Variants in KCNIP4 observed in about 807,000 individuals in gnomAD.
KCNIP4 encodes Kv channel-interacting protein 4.
Under a neutral mutation model 34.0 loss-of-function variants are expected in KCNIP4, and 12 were observed. The ratio of observed to expected loss-of-function variants is 0.35; its 90% CI spans 0.23 to 0.57. The LOEUF (loss-of-function observed/expected upper bound fraction) is 0.57. Ranked by LOEUF, KCNIP4 falls within the 20% of genes least tolerant of loss-of-function variation. The pLI is 0.83. For synonymous variants in KCNIP4, 124 were observed against 102.2 expected (o/e 1.21, Z -1.29); for missense variants, 238 against 311.7 (o/e 0.76, Z 1.78).
intron 1 of KCNIP4, among the ~76,000 whole-genome samples, chr4:21,775,444 T>C (rs1040618291): frequency 6.6e-6 from 1 of 152,072 alleles, no homozygotes; most frequent in Admixed American, 6.6e-5. Flanking sequence ...CCCAGCTGAG[T>C]GGCACAAGGA....
chr4:21,321,997 G>GA (rs1714520550), intron 1 of KCNIP4, among the ~76,000 whole-genome samples: 1 of 138,430 alleles, frequency 7.2e-6, no homozygotes, highest in Non-Finnish European at 1.6e-5. Flanking sequence ...GGAAGAGAAG[G>GA]AAAAAAGGAA....
intron 1 of KCNIP4, among the ~76,000 whole-genome samples, chr4:21,673,978 C>G (rs1749692314): frequency 6.6e-6 from 1 of 152,108 alleles, no homozygotes; most frequent in African/African-American, 2.4e-5. Context: ...GCAAAGAAAC[C>G]AGCACATAGT....
intron 1 of KCNIP4, among the ~76,000 whole-genome samples, chr4:21,757,595 T>G (rs1413019162): frequency 1.3e-5 from 2 of 152,220 alleles, no homozygotes; most frequent in Non-Finnish European, 2.9e-5. Context: ...TATTACAGAT[T>G]GAGCCAGAGA....
intron 1 of KCNIP4, among the ~76,000 whole-genome samples, chr4:21,464,520 A>G (rs1012444254): frequency 1.3e-5 from 2 of 151,978 alleles, no homozygotes; most frequent in Admixed American, 1.3e-4. Flanking sequence ...TCTGTTACTG[A>G]TTTCTCATTT....
rs557610581 is a variant in KCNIP4 at position 21,927,605 on chromosome 4, A to G, written c.61+20966T>C. ...CCCACCTTAGAGCTGGGGCATCCCAACAAATTTCAACATAGTGTATTTATC... is the reference window on the plus strand; with the variant it reads ...CCCACCTTAGAGCTGGGGCATCCCAGCAAATTTCAACATAGTGTATTTATC... On this transcript the variant is annotated intron_variant, in intron 1 of 8. Coordinates refer to ENST00000382152, the MANE Select transcript of KCNIP4 (RefSeq NM_025221.6). 7.9e-5 allele frequency among the ~76,000 whole-genome samples: 12 copies of G among 152,340 alleles called. 1 individual carries two copies. The East Asian group carries it at 1.7e-3, about 22-fold the overall frequency.
chr4:21,931,811 G>C (rs193260531), intron 1 of KCNIP4, among the ~76,000 whole-genome samples: 1 of 152,048 alleles, frequency 6.6e-6, no homozygotes, highest in Admixed American at 6.6e-5. Flanking sequence ...GGATTGCTGG[G>C]TCAAATGGTA....
chr4:20,868,009 A>C (rs1393005190), intron 2 of KCNIP4, among the ~76,000 whole-genome samples: 1 of 112,018 alleles, frequency 8.9e-6, no homozygotes, highest in Non-Finnish European at 1.8e-5. Flanking sequence ...CCTAAAACTT[A>C]AAGTATAATA....
At position 21,796,328 on chromosome 4, in the gene KCNIP4, C is replaced by A. The variant is rs145424854; in HGVS notation, c.61+152243G>T. Among the ~76,000 whole-genome samples the A allele has an allele frequency of 8.4e-3, 1,285 of 152,254 alleles. 14 individuals are homozygous for A. The highest frequency in any genetic ancestry group is 0.028 in the South Asian group (137 of 4,818). On this transcript the variant is annotated intron_variant, in intron 1 of 8. Transcript: ENST00000382152. The stretch of plus-strand genomic sequence containing the variant: ...CCTCCCTACATCAGCTTTCTCCCCT[C>A]CCTGTAAGTCCAAGCCTTCCCCATT...
intron 3 of KCNIP4, among the ~76,000 whole-genome samples, chr4:20,792,583 C>G (rs1034061594): frequency 3.9e-5 from 6 of 151,942 alleles, no homozygotes; most frequent in African/African-American, 1.5e-4. Flanking sequence ...TGTTAAAAGG[C>G]TGAAAACATT....
rs996906488 is a variant in KCNIP4 at position 21,735,760 on chromosome 4, C to T, written c.61+212811G>A. Among the ~76,000 whole-genome samples the T allele has an allele frequency of 8.5e-5, 13 of 152,050 alleles. 1 individual carries two copies. The highest frequency in any genetic ancestry group is 2.0e-4 in the Admixed American group (3 of 15,234). ...GCAAAGATAAGCAAAATCTGTCACGCGAAGAATGGGGACTAGCCTGCATAA... is the reference window on the plus strand; with the variant it reads ...GCAAAGATAAGCAAAATCTGTCACGTGAAGAATGGGGACTAGCCTGCATAA... On this transcript the variant is annotated intron_variant, in intron 1 of 8. Coordinates refer to ENST00000382152, the MANE Select transcript of KCNIP4 (RefSeq NM_025221.6).
intron 1 of KCNIP4, among the ~76,000 whole-genome samples, chr4:21,578,332 CAAAA>C (rs71191522): frequency 1.3e-4 from 10 of 75,114 alleles, no homozygotes; most frequent in African/African-American, 2.6e-4. Context: ...GACTCCGTCT[CAAAA>C]AAAAAAAAAA....
intron 1 of KCNIP4, among the ~76,000 whole-genome samples, chr4:20,987,673 G>T (rs1193392585): frequency 6.6e-6 from 1 of 152,064 alleles, no homozygotes; most frequent in African/African-American, 2.4e-5. Flanking sequence ...CATTTATGGA[G>T]AACTTTTAAG....
chr4:20,875,351 C>A (rs746823122), intron 2 of KCNIP4, among the ~76,000 whole-genome samples: 1 of 152,138 alleles, frequency 6.6e-6, no homozygotes. Context: ...TTAAATAATC[C>A]CTCATACCTC....
chr4:21,119,802 TGA>T (rs1037400071), intron 1 of KCNIP4, among the ~76,000 whole-genome samples: 2 of 152,078 alleles, frequency 1.3e-5, no homozygotes, highest in Non-Finnish European at 2.9e-5. Flanking sequence ...AGTTAGAAAC[TGA>T]GAGGCAAATG....
chr4:21,701,627 A>C lies in KCNIP4; in HGVS notation c.61+246944T>G, dbSNP rs139819322. 8.6e-3 allele frequency among the ~76,000 whole-genome samples: 1,317 copies of C among 152,296 alleles called. 21 individuals carry two copies. Among genetic ancestry groups the C allele is most frequent in the African/African-American group, 0.03 (1,247 of 41,560 alleles). ...AAGAGAATCAAAAGATCTGCTTTAG[A>C]TATATTAGAATGTAGATATCTATAA... On this transcript the variant is annotated intron_variant, in intron 1 of 8. Coordinates refer to ENST00000382152, the MANE Select transcript of KCNIP4 (RefSeq NM_025221.6).
intron 1 of KCNIP4, among the ~76,000 whole-genome samples, chr4:21,249,833 G>C (rs951333160): frequency 2.6e-5 from 4 of 152,010 alleles, no homozygotes; most frequent in Admixed American, 2.6e-4. Flanking sequence ...TTATTTTAAG[G>C]CTTGTATAAT....
intron 1 of KCNIP4, among the ~76,000 whole-genome samples, chr4:21,691,771 C>A (rs1043194152): frequency 7.1e-6 from 1 of 141,704 alleles, no homozygotes; most frequent in Non-Finnish European, 1.5e-5. Flanking sequence ...GCCATCTTGG[C>A]CACTGCAACC....
intron 3 of KCNIP4, among the ~76,000 whole-genome samples, chr4:20,815,674 A>G (rs1446752670): frequency 6.6e-6 from 1 of 152,194 alleles, no homozygotes; most frequent in Admixed American, 6.5e-5. Context: ...CTTTTCATCA[A>G]AACCAATTAT....
At chr4:21,854,207 G>T (rs897129734) in intron 1 of KCNIP4, among the ~76,000 whole-genome samples, 1 of 152,144 alleles carries the variant, frequency 6.6e-6, no homozygotes, top group African/African-American at 2.4e-5. Context: ...TAAGTATCAA[G>T]AAAGGGACAG....
Sources: allele counts gnomAD v4.1 joint callset (sites outside exome capture counted in the v4.1 genomes callset), GRCh38; gene constraint gnomAD v4.1.1; transcripts MANE v1.5; gene names NCBI Gene and HGNC (gene_info 2026-07-23, HGNC 2026-07-21).